The following GPR35 variants were observed in gnomAD, a reference collection of about 807,000 sequenced individuals.
The protein encoded by GPR35 is KYNA receptor.
For missense variants in GPR35, 372 were observed against 422.5 expected, an observed-to-expected ratio of 0.88 and a Z score of 1.05; for synonymous variants, 207 against 198.4, an observed-to-expected ratio of 1.04 and a Z score of -0.36.
rs1183869301 is a variant in GPR35, at chr2:240,632,703, A to C, written c.*1821A>C. The stretch of plus-strand genomic sequence containing the variant: ...TAAGGGCCATGCCCATGAGATCCTC[A>C]TGCCCAGGAAGGCCCATGCCCAGGA... On this transcript the variant is annotated 3_prime_UTR_variant, in exon 2 of 2. Coordinates refer to ENST00000407714, the MANE Select transcript of GPR35 (RefSeq NM_005301.5). Among the ~76,000 whole-genome samples, 1 of 150,182 alleles carries C rather than the reference A, an allele frequency of 6.7e-6. No homozygotes were observed. Among genetic ancestry groups the C allele is most frequent in the Admixed American group, 6.6e-5 (1 of 15,148 alleles).
chr2:240,622,981 A>G (rs1308216707), upstream of GPR35, among the ~76,000 whole-genome samples: 1 of 152,228 alleles, frequency 6.6e-6, no homozygotes, highest in African/African-American at 2.4e-5. Context: ...GAAACCTGCC[A>G]TCTGGCCTCT....
upstream of GPR35, among the ~76,000 whole-genome samples, chr2:240,624,229 A>AGTTGAGATCGGGCGGG (rs1559438076): frequency 1.8e-5 from 1 of 54,708 alleles, no homozygotes; most frequent in African/African-American, 3.9e-5. Context: ...TGAGGGATGG[A>AGTTGAGATCGGGCGGG]TGAAATCCCA....
chr2:240,629,740 G>A, intron 1 of GPR35: 1 of 492,208 alleles, frequency 2.0e-6, no homozygotes, highest in Non-Finnish European at 3.6e-6. Flanking sequence ...TCAGGAGATG[G>A]GAAGAGGATC....
At chr2:240,617,185 C>T (rs574277397) in exon 4 of GPR35, 2 of 708,460 alleles carry the variant, frequency 2.8e-6, no homozygotes, top group African/African-American at 3.6e-5. Flanking sequence ...TCATGAAAGA[C>T]CTGAAACTCT....
At chr2:240,618,368 G>A (rs1451460233) in intron 4 of GPR35, among the ~76,000 whole-genome samples, 1 of 152,162 alleles carries the variant, frequency 6.6e-6, no homozygotes, top group Admixed American at 6.5e-5. Flanking sequence ...AGACAAAACA[G>A]TGTTTTAAAA....
At chr2:240,621,569 A>G (rs2043294894), upstream of GPR35, among the ~76,000 whole-genome samples, 1 of 152,192 alleles carries the variant, frequency 6.6e-6, no homozygotes, top group Non-Finnish European at 1.5e-5. Flanking sequence ...TTGTTTTAGT[A>G]AACCAAAACT....
intron 1 of GPR35, among the ~76,000 whole-genome samples, chr2:240,605,758 T>G (rs2043126189): frequency 6.6e-6 from 1 of 152,206 alleles, no homozygotes; most frequent in Non-Finnish European, 1.5e-5. Context: ...TTCATTTGGT[T>G]TTGCTTTTTT....
At chr2:240,619,186 G>C (rs578121853) in intron 5 of GPR35, among the ~76,000 whole-genome samples, 1 of 152,330 alleles carries the variant, frequency 6.6e-6, no homozygotes, top group Admixed American at 6.5e-5. Flanking sequence ...TTCTATTGTG[G>C]TCAGACTCTT....
rs1253929362 is a variant in GPR35 at position 240,630,322 on chromosome 2, G to A, written c.370G>A (p.Ala124Thr). 6.3e-7 allele frequency: 1 copy of A among 1,591,438 alleles called. No homozygotes were observed. ...RYVAVRHPLR[A>T]RGLRSPRQAA... ...TGTGGCCGTGCGGCACCCGCTGCGT[G>A]CCCGCGGGCTGCGGTCCCCCAGGCA... Residue 124 changes from alanine (A) to threonine (T), a missense_variant, in exon 2 of 2, where the codon GCC (alanine) becomes ACC (threonine). Physicochemically the swap from Ala to Thr is moderately conservative, Grantham distance 58. Transcript: ENST00000407714.
chr2:240,606,036 C>T (rs1013468144), intron 1 of GPR35, among the ~76,000 whole-genome samples: 8 of 152,154 alleles, frequency 5.3e-5, no homozygotes, highest in Non-Finnish European at 8.8e-5. Context: ...GGGCTCTGGC[C>T]ATAGCTTGCA....
intron 2 of GPR35, among the ~76,000 whole-genome samples, chr2:240,611,840 G>C (rs1175610189): frequency 6.6e-6 from 1 of 152,196 alleles, no homozygotes; most frequent in African/African-American, 2.4e-5. Flanking sequence ...TTGAATGAAT[G>C]GGAACAAGGT....
At chr2:240,621,228 C>T (rs190859870), upstream of GPR35, among the ~76,000 whole-genome samples, 13 of 151,946 alleles carry the variant, frequency 8.6e-5, no homozygotes, top group African/African-American at 2.2e-4. Context: ...AAAGATAAAC[C>T]GTAATGTGTT....
chr2:240,622,107 T>G (rs757137727), upstream of GPR35, among the ~76,000 whole-genome samples: 2 of 152,090 alleles, frequency 1.3e-5, no homozygotes, highest in Admixed American at 6.5e-5. Context: ...CTCAAACTTC[T>G]GGGCTCAAGC....
upstream of GPR35, among the ~76,000 whole-genome samples, chr2:240,621,475 G>A (rs570809008): frequency 7.5e-4 from 114 of 152,198 alleles, no homozygotes; most frequent in African/African-American, 2.6e-3. Context: ...GGCTGGTCTT[G>A]AACTCCTGAC....
upstream of GPR35, among the ~76,000 whole-genome samples, chr2:240,622,654 G>A (rs1050859002): frequency 6.6e-6 from 1 of 152,238 alleles, no homozygotes; most frequent in Non-Finnish European, 1.5e-5. Context: ...CCCTAGATAG[G>A]GCTGCAGGGG....
intron 2 of GPR35, among the ~76,000 whole-genome samples, chr2:240,609,755 T>C (rs1313345480): frequency 6.6e-6 from 1 of 152,206 alleles, no homozygotes; most frequent in Non-Finnish European, 1.5e-5. Context: ...CTCAGGGCTA[T>C]CATATTCTTA....
At position 240,631,686 on chromosome 2, in the gene GPR35, G is replaced by A. The variant is rs1269031901; in HGVS notation, c.*804G>A. On this transcript the variant is annotated 3_prime_UTR_variant, in exon 2 of 2. Coordinates refer to ENST00000407714, the MANE Select transcript of GPR35 (RefSeq NM_005301.5). ...CATGTCTGGCAGGGGCAGGGGTTGG[G>A]TGCCCACTCAGGTAAAGGCACGATG... Among the ~76,000 whole-genome samples the A allele has an allele frequency of 6.6e-6, 1 of 152,300 alleles. No homozygotes were observed. The highest frequency in any genetic ancestry group is 6.5e-5 in the Admixed American group (1 of 15,300).
exon 4 of GPR35, chr2:240,617,121 G>A (rs892916719): frequency 8.6e-6 from 6 of 695,518 alleles, no homozygotes; most frequent in Middle Eastern, 3.8e-4. Flanking sequence ...GAATCTCCTC[G>A]TAGCTGAGCC....
At chr2:240,624,006 T>TGG (rs1450849086), upstream of GPR35, among the ~76,000 whole-genome samples, 1 of 72,256 alleles carries the variant, frequency 1.4e-5, no homozygotes, top group Non-Finnish European at 3.3e-5. Context: ...GCTGGCCTGG[T>TGG]GGTGGGGGGG....
Sources: gnomAD v4.1 joint callset for allele counts (sites outside exome capture counted in the v4.1 genomes callset) on GRCh38, gnomAD v4.1.1 for gene constraint, MANE v1.5 for transcripts, NCBI Gene and HGNC (gene_info 2026-07-23, HGNC 2026-07-21) for gene names.